The following GALNT2 variants were observed in gnomAD, a reference collection of about 807,000 sequenced individuals.
The protein encoded by GALNT2 is UDP-GalNAc:polypeptide N-acetylgalactosaminyltransferase 2.
In GALNT2, 31 loss-of-function variants were observed where a neutral mutation model predicts 81.4. The ratio of observed to expected loss-of-function variants is 0.38; its 90% confidence interval spans 0.29 to 0.51. GALNT2 has a LOEUF of 0.51. Among genes scored for constraint, GALNT2 ranks in the 20% least tolerant of loss-of-function variants. The probability of loss-of-function intolerance (pLI) is 0.87; values close to 1 mark genes in which losing one functional copy is unlikely to be tolerated. For synonymous variants in GALNT2, 303 were observed against 287.4 expected, an observed-to-expected ratio of 1.05 and a Z score of -0.55; for missense variants, 629 against 765.7, an observed-to-expected ratio of 0.82 and a Z score of 2.11.
chr1:230,201,312 G>C (rs1319555658), intron 2 of GALNT2, among the ~76,000 whole-genome samples: 2 of 152,148 alleles, frequency 1.3e-5, no homozygotes, highest in Non-Finnish European at 2.9e-5. Flanking sequence ...TGAGAGGCCA[G>C]ACTTCTGTGA....
intron 1 of GALNT2, among the ~76,000 whole-genome samples, chr1:230,161,835 T>C (rs1662446520): frequency 6.6e-6 from 1 of 152,218 alleles, no homozygotes; most frequent in South Asian, 2.1e-4. Context: ...CTATTACTTA[T>C]TTTACTTCTG....
At chr1:230,079,166 C>G (rs1436153225) in intron 1 of GALNT2, among the ~76,000 whole-genome samples, 3 of 152,274 alleles carry the variant, frequency 2.0e-5, no homozygotes, top group East Asian at 3.9e-4. Context: ...TTTGGTTCTC[C>G]CAACAAGATA....
chr1:230,231,903 G>GGT (rs778518419), intron 3 of GALNT2, among the ~76,000 whole-genome samples: 2 of 152,110 alleles, frequency 1.3e-5, no homozygotes, highest in Non-Finnish European at 2.9e-5. Flanking sequence ...TGCGTCGTCT[G>GGT]GTAGAACAAA....
At chr1:230,083,879 C>T (rs899934409) in intron 1 of GALNT2, among the ~76,000 whole-genome samples, 4 of 152,132 alleles carry the variant, frequency 2.6e-5, no homozygotes, top group Non-Finnish European at 4.4e-5. Context: ...AGGGGGCCCA[C>T]TGTCTGTGTC....
At position 230,257,966 on chromosome 1, in the gene GALNT2, G is replaced by A. The variant is rs931279283; in HGVS notation, c.1136+2622G>A. ...GTCTTGCTCTGTTGCCCAGGCTGGA[G>A]TGCAAAGGTGCGATCTCGGCTCACT... is the stretch of plus-strand genomic sequence containing the variant. On this transcript the variant is annotated intron_variant, in intron 11 of 15. Coordinates refer to ENST00000366672, the MANE Select transcript of GALNT2 (RefSeq NM_004481.5). This position sits in a 1 kb window ranked among gnomAD's most constrained non-coding sequence, Gnocchi z 4.6. 1.3e-5 allele frequency among the ~76,000 whole-genome samples: 2 copies of A among 152,214 alleles called. No homozygotes were observed. Among genetic ancestry groups the A allele is most frequent in the Non-Finnish European group, 2.9e-5 (2 of 68,048 alleles).
intron 3 of GALNT2, among the ~76,000 whole-genome samples, chr1:230,233,922 A>C (rs1167752078): frequency 6.6e-6 from 1 of 152,106 alleles, no homozygotes; most frequent in Non-Finnish European, 1.5e-5. Flanking sequence ...ATTAGGATGG[A>C]AATGCAGACA....
upstream of GALNT2, among the ~76,000 whole-genome samples, chr1:230,062,397 C>T (rs1402296690): frequency 1.3e-5 from 2 of 152,182 alleles, no homozygotes; most frequent in African/African-American, 2.4e-5. Context: ...AATTTACCAT[C>T]ATAACCATTT....
chr1:230,132,604 G>A (rs1661403583), intron 1 of GALNT2, among the ~76,000 whole-genome samples: 1 of 152,190 alleles, frequency 6.6e-6, no homozygotes, highest in African/African-American at 2.4e-5. Flanking sequence ...AGACTGTCTT[G>A]GAACTTGCTT....
In GALNT2 at chr1:230,193,916, G is replaced by C. The variant is rs969458108; in HGVS notation, c.221-9221G>C. The stretch of plus-strand genomic sequence containing the variant: ...CCCGAGCAGCCTTCCCGGGGCCTCA[G>C]TGCCTATGCTCAGCCTCCACTCCCA... On this transcript the variant is annotated intron_variant, in intron 2 of 15. Coordinates refer to ENST00000366672, the MANE Select transcript of GALNT2 (RefSeq NM_004481.5). The surrounding 1 kb of genome is among the most constrained non-coding windows in gnomAD (Gnocchi z 4.3). 6.6e-5 allele frequency among the ~76,000 whole-genome samples: 10 copies of C among 152,114 alleles called. No homozygotes were observed. Among genetic ancestry groups the C allele is most frequent in the African/African-American group, 2.4e-4 (10 of 41,422 alleles).
intron 2 of GALNT2, among the ~76,000 whole-genome samples, chr1:230,188,806 G>A (rs1338045849): frequency 3.9e-5 from 6 of 152,038 alleles, no homozygotes; most frequent in Non-Finnish European, 7.4e-5. Context: ...TTCAAATAGA[G>A]TATGTATATT....
At chr1:230,068,160 C>T (rs1490620320) in intron 1 of GALNT2, among the ~76,000 whole-genome samples, 1 of 152,274 alleles carries the variant, frequency 6.6e-6, no homozygotes, top group East Asian at 1.9e-4. Flanking sequence ...GAGAATCCCT[C>T]TTCTGTGGCT....
intron 15 of GALNT2, among the ~76,000 whole-genome samples, chr1:230,277,468 C>T (rs1037047688): frequency 7.2e-5 from 11 of 152,290 alleles, no homozygotes; most frequent in Non-Finnish European, 1.2e-4. Flanking sequence ...CTCAGAGTAA[C>T]AGGGCAGCCT....
At chr1:230,183,261 C>A (rs1459656905) in intron 2 of GALNT2, among the ~76,000 whole-genome samples, 1 of 152,132 alleles carries the variant, frequency 6.6e-6, no homozygotes, top group Non-Finnish European at 1.5e-5. Context: ...TTTAGACCAT[C>A]GATGTACACA....
At chr1:230,244,303 C>T (rs948616176) in intron 7 of GALNT2, among the ~76,000 whole-genome samples, 1 of 152,028 alleles carries the variant, frequency 6.6e-6, no homozygotes, top group Non-Finnish European at 1.5e-5. Context: ...CTTGTTATCT[C>T]CGTTTGACAG....
intron 1 of GALNT2, among the ~76,000 whole-genome samples, chr1:230,059,079 T>G (rs539437715): frequency 1.3e-5 from 2 of 152,214 alleles, no homozygotes; most frequent in African/African-American, 4.8e-5. Flanking sequence ...TTCTCCTGAT[T>G]GGGTATTGTC....
At chr1:230,164,752 G>A (rs866882800) in intron 1 of GALNT2, among the ~76,000 whole-genome samples, 1 of 152,000 alleles carries the variant, frequency 6.6e-6, no homozygotes, top group East Asian at 1.9e-4. Context: ...GGATGGTCTC[G>A]ATCTCCTGAC....
chr1:230,178,745 A>C (rs1021300854), intron 2 of GALNT2, among the ~76,000 whole-genome samples: 1 of 151,928 alleles, frequency 6.6e-6, no homozygotes, highest in African/African-American at 2.4e-5. Context: ...CATTTGTTAC[A>C]ATCCATGAAC....
chr1:230,169,544 T>C (rs1467360881), intron 1 of GALNT2, among the ~76,000 whole-genome samples: 1 of 152,250 alleles, frequency 6.6e-6, no homozygotes, highest in Non-Finnish European at 1.5e-5. Context: ...GGAGGATTTT[T>C]GTTAAATGAA....
chr1:230,178,703 C>T (rs916869261), intron 2 of GALNT2, among the ~76,000 whole-genome samples: 1 of 152,068 alleles, frequency 6.6e-6, no homozygotes, highest in Non-Finnish European at 1.5e-5. Flanking sequence ...ATACAACCTC[C>T]TCCATTGTCA....
Sources: allele counts gnomAD v4.1 joint callset (sites outside exome capture counted in the v4.1 genomes callset), GRCh38; gene constraint gnomAD v4.1.1; non-coding constraint Gnocchi (gnomAD v3.1); transcripts MANE v1.5; gene names NCBI Gene and HGNC (gene_info 2026-07-23, HGNC 2026-07-21).